ERG: variants seen among roughly 807,000 people sequenced by gnomAD.
ERG encodes ETS transcription factor ERG.
A neutral mutation model predicts 55.3 loss-of-function variants in ERG; 9 were observed. The observed-to-expected ratio is 0.16, with a 90% CI of 0.10 to 0.28. ERG has a LOEUF of 0.28. Among genes scored for constraint, ERG ranks in the 10% least tolerant of loss-of-function variants. The pLI is 1.00. For synonymous variants in ERG, 223 were observed against 237.3 expected (o/e 0.94, Z 0.55); for missense variants, 434 against 631.6 (o/e 0.69, Z 3.35).
intron 1 of ERG, among the ~76,000 whole-genome samples, chr21:38,646,947 T>C (rs2060460696): frequency 6.6e-6 from 1 of 152,142 alleles, no homozygotes; most frequent in African/African-American, 2.4e-5. Context: ...CAGAAGTTCA[T>C]AAAGGCAGCC....
intron 6 of ERG, among the ~76,000 whole-genome samples, chr21:38,394,598 C>T (rs576783076): frequency 7.2e-5 from 11 of 152,200 alleles, no homozygotes; most frequent in African/African-American, 2.4e-4. Flanking sequence ...GTGATCCGCC[C>T]GCCTCAGCCT....
At chr21:38,623,471 T>C (rs2060306167) in intron 1 of ERG, among the ~76,000 whole-genome samples, 1 of 152,224 alleles carries the variant, frequency 6.6e-6, no homozygotes, top group East Asian at 1.9e-4. Context: ...AAATTTAAGA[T>C]TTTTATAATT....
chr21:38,615,264 C>T (rs2060251651), intron 1 of ERG, among the ~76,000 whole-genome samples: 1 of 152,134 alleles, frequency 6.6e-6, no homozygotes, highest in African/African-American at 2.4e-5. Context: ...TGCTGCCTCA[C>T]CAATAGATAA....
chr21:38,528,418 G>A (rs2146765072), intron 2 of ERG, among the ~76,000 whole-genome samples: 1 of 143,306 alleles, frequency 7.0e-6, no homozygotes, highest in Admixed American at 7.1e-5. Context: ...TTATACATTA[G>A]GAAGCCATAG....
At chr21:38,602,701 T>A (rs2060171682) in intron 1 of ERG, among the ~76,000 whole-genome samples, 1 of 151,990 alleles carries the variant, frequency 6.6e-6, no homozygotes, top group Non-Finnish European at 1.5e-5. Context: ...GTGGGCTTTG[T>A]GATTTTTTTC....
Position 38,383,263 on chromosome 21 carries a change from T to C in ERG, c.*140A>G, listed in dbSNP as rs1987528695. 4.5e-6 allele frequency: 6 copies of C among 1,334,132 alleles called. No homozygotes were observed. The highest frequency in any genetic ancestry group is 5.8e-6 in the Non-Finnish European group (6 of 1,041,932). 82.6% of individuals were successfully genotyped at this position (1,334,132 alleles called of 1,614,324 possible). A position where few individuals can be genotyped will look rare whatever the true frequency, so the allele number is the denominator to read the frequency against. ...TAACTCCCTCCCAAGAGTCTTTGGA[T>C]CTCTTCCCCGGCTTCCTTCCCCAGC... On this transcript the variant is annotated 3_prime_UTR_variant, in exon 10 of 10. Transcript: ENST00000288319. The surrounding 1 kb of genome is among the most constrained non-coding windows in gnomAD (Gnocchi z 5.7).
chr21:38,383,202 T>A lies in ERG; in HGVS notation c.*201A>T. On this transcript the variant is annotated 3_prime_UTR_variant, in exon 10 of 10. Coordinates refer to ENST00000288319, the MANE Select transcript of ERG (RefSeq NM_182918.4). The surrounding 1 kb of genome is among the most constrained non-coding windows in gnomAD (Gnocchi z 5.7). ...ATGATATGTCCATATTCGTGACATT[T>A]TTAGCATCCTCCTCATTTCTGTAGT... 7.8e-7 allele frequency: 1 copy of A among 1,286,222 alleles called. No homozygotes were observed. Among genetic ancestry groups the A allele is most frequent in the South Asian group, 3.3e-5 (1 of 30,316 alleles). The allele number at this position is 1,286,222 out of a possible 1,614,324, so 79.7% of individuals were successfully genotyped here.
intron 2 of ERG, among the ~76,000 whole-genome samples, chr21:38,518,937 A>G (rs146628684): frequency 1.7e-4 from 26 of 152,316 alleles, no homozygotes; most frequent in African/African-American, 6.3e-4. Flanking sequence ...CCCATCAATC[A>G]ATAAGAATAC....
chr21:38,451,299 TAGC>T (rs1401206426), intron 1 of ERG: 2 of 461,154 alleles, frequency 4.3e-6, no homozygotes, highest in Non-Finnish European at 8.7e-6. Flanking sequence ...AGGGGATGTG[TAGC>T]AATGGGCCCT....
intron 9 of ERG, among the ~76,000 whole-genome samples, chr21:38,384,257 T>C (rs766358654): frequency 3.9e-5 from 6 of 152,162 alleles, no homozygotes; most frequent in Non-Finnish European, 8.8e-5. Flanking sequence ...AGGGCTCCCG[T>C]GGGATTGGGC....
chr21:38,624,012 T>G (rs2060309572), intron 1 of ERG, among the ~76,000 whole-genome samples: 1 of 152,210 alleles, frequency 6.6e-6, no homozygotes, highest in South Asian at 2.1e-4. Context: ...GTTTTCCATT[T>G]GGAATAGTGA....
chr21:38,611,788 C>T (rs78501299), intron 1 of ERG, among the ~76,000 whole-genome samples: 3,168 of 152,192 alleles, frequency 0.021, 44 homozygotes, highest in East Asian at 0.05. Context: ...GCTGCATCCT[C>T]GGCACCCAGG....
chr21:38,600,593 C>T (rs923026925), intron 1 of ERG, among the ~76,000 whole-genome samples: 2 of 152,188 alleles, frequency 1.3e-5, no homozygotes, highest in Non-Finnish European at 2.9e-5. Flanking sequence ...ATTGATAACA[C>T]TGACCACACC....
At chr21:38,573,905 G>A (rs2836524) in intron 2 of ERG, among the ~76,000 whole-genome samples, 15,949 of 152,204 alleles carry the variant, frequency 0.1, 1,108 homozygotes, top group African/African-American at 0.19. Context: ...AATCAGAGCC[G>A]AAAACATAGT....
chr21:38,484,272 T>C (rs1413116064), intron 1 of ERG, among the ~76,000 whole-genome samples: 3 of 152,168 alleles, frequency 2.0e-5, no homozygotes, highest in African/African-American at 7.2e-5. Context: ...GTCGGGGTTC[T>C]ATAGATTCTT....
chr21:38,605,179 C>T, intron 1 of ERG, among the ~76,000 whole-genome samples: 1 of 152,086 alleles, frequency 6.6e-6, no homozygotes, highest in South Asian at 2.1e-4. Flanking sequence ...TCTATACTAC[C>T]CCAAATGCTT....
chr21:38,380,272 C>G lies in ERG; in HGVS notation c.*3131G>C, dbSNP rs2146404149. 9.5e-7 allele frequency: 1 copy of G among 1,056,540 alleles called. No individual in the cohort carries two copies. Among genetic ancestry groups the G allele is most frequent in the Non-Finnish European group, 1.1e-6 (1 of 873,846 alleles). The allele number at this position is 1,056,540 out of a possible 1,614,324, so 65.4% of individuals were successfully genotyped here. ...TGCACCTGCTGTCAGAGGGCAGCTC[C>G]TCCGGCTCCTGCTCCTGGGTTGCAG... On this transcript the variant is annotated 3_prime_UTR_variant, in exon 10 of 10. Transcript: ENST00000288319.
At chr21:38,531,765 C>T (rs367925133) in intron 2 of ERG, among the ~76,000 whole-genome samples, 42 of 152,148 alleles carry the variant, frequency 2.8e-4, no homozygotes, top group African/African-American at 8.2e-4. Flanking sequence ...GAAAAATGTC[C>T]GCAGCATTCT....
At chr21:38,478,692 T>A (rs1486291475) in intron 1 of ERG, among the ~76,000 whole-genome samples, 1 of 152,158 alleles carries the variant, frequency 6.6e-6, no homozygotes, top group African/African-American at 2.4e-5. Flanking sequence ...TAAGAATGAG[T>A]AACACCTGAA....
Sources: gnomAD v4.1 joint callset for allele counts (sites outside exome capture counted in the v4.1 genomes callset) on GRCh38, gnomAD v4.1.1 for gene constraint, Gnocchi (gnomAD v3.1) non-coding constraint, MANE v1.5 for transcripts, NCBI Gene and HGNC (gene_info 2026-07-23, HGNC 2026-07-21) for gene names.